The following POLA1 variants were observed in gnomAD, a reference collection of about 807,000 sequenced individuals.
POLA1 encodes DNA polymerase alpha 1, catalytic subunit.
In POLA1, 15 loss-of-function variants were observed where a neutral mutation model predicts 124.0. The ratio of observed to expected loss-of-function variants is 0.12; its 90% confidence interval spans 0.08 to 0.19. The LOEUF (loss-of-function observed/expected upper bound fraction) is 0.19, where lower values mean the gene tolerates loss of function less well. Among genes scored for constraint, POLA1 ranks in the 10% least tolerant of loss-of-function variants. POLA1 has a pLI of 1.00. For missense variants in POLA1, 886 were observed against 1,103.4 expected (o/e 0.80, Z 2.79); for synonymous variants, 408 against 389.4 (o/e 1.05, Z -0.56).
intron 35 of POLA1, among the ~76,000 whole-genome samples, chrX:24,922,235 C>T (rs1362851066): frequency 1.2e-5 from 1 of 82,719 alleles, no homozygotes; most frequent in East Asian, 3.8e-4. Context: ...CTATCATACC[C>T]AACTAGTTTA....
intron 1 of POLA1, among the ~76,000 whole-genome samples, chrX:24,695,451 T>A (rs183723797): frequency 9.0e-6 from 1 of 110,959 alleles, no homozygotes; most frequent in Admixed American, 9.6e-5. Flanking sequence ...TAGCTGTTAC[T>A]ATATATGAAA....
intron 26 of POLA1, among the ~76,000 whole-genome samples, chrX:24,756,678 TTG>T (rs1932625814): frequency 9.0e-6 from 1 of 111,569 alleles, no homozygotes; most frequent in Non-Finnish European, 1.9e-5. Context: ...ATGTAATATT[TTG>T]TGTGTCTGTG....
intron 28 of POLA1, among the ~76,000 whole-genome samples, chrX:24,811,013 G>A (rs1244845840): frequency 9.0e-6 from 1 of 111,407 alleles, no homozygotes; most frequent in East Asian, 2.8e-4. Context: ...GCAGTGGTGC[G>A]ATCAGGGCTT....
chrX:24,814,968 T>TTTTTTTTA lies in POLA1; in HGVS notation c.3297-5_3297-4insTATTTTTT. The TTTTTTTTA allele has an allele frequency of 9.2e-7, 1 of 1,086,088 alleles. No individual in the cohort carries two copies. The highest frequency in any genetic ancestry group is 2.8e-5 in the South Asian group (1 of 35,928). 89.5% of individuals were successfully genotyped at this position (1,086,088 alleles called of 1,213,427 possible). A position where few individuals can be genotyped will look rare whatever the true frequency, so the allele number is the denominator to read the frequency against. On this transcript the variant is annotated splice_polypyrimidine_tract_variant and intron_variant, in intron 29 of 36. Transcript: ENST00000379068. ...GCTGTCTTTGTTTTGTTTTTTTTTT[T>TTTTTTTTA]TTTTTTGCAGCTTTGTGATTGGCCA...
chrX:24,790,401 A>G (rs948342213), intron 26 of POLA1, among the ~76,000 whole-genome samples: 3 of 111,916 alleles, frequency 2.7e-5, no homozygotes, highest in Non-Finnish European at 3.8e-5. Context: ...TTCATTTACT[A>G]TCCCTTAAGG....
At chrX:24,889,511 T>G (rs1215915191) in intron 35 of POLA1, among the ~76,000 whole-genome samples, 3 of 112,436 alleles carry the variant, frequency 2.7e-5, no homozygotes, top group Non-Finnish European at 5.6e-5. Context: ...GTGCCTCACT[T>G]TCCAAATTCG....
chrX:24,872,681 C>T lies in POLA1; in HGVS notation c.4048-15325C>T, dbSNP rs978217686. ...ACTATAGAAAGCCCATAAATAGACC[C>T]AAAGTTGCATTTTGTTTTTTAAAAG... On this transcript the variant is annotated intron_variant, in intron 34 of 36. Coordinates refer to ENST00000379068, the MANE Select transcript of POLA1 (RefSeq NM_001330360.2). Among the ~76,000 whole-genome samples, 4 of 111,371 alleles carry T rather than the reference C, an allele frequency of 3.6e-5. No individual in the cohort carries two copies. The East Asian group carries it at 1.1e-3, about 31-fold the overall frequency.
rs1405418182 is a variant in POLA1 at position 24,858,464 on chromosome X, AG to A, written c.4047+14788del. ...CTCGACCTTGACTGTGACTCACCAT[AG>A]TCTCTTTTGGACTAGCTTCAGCTTT... On this transcript the variant is annotated intron_variant, in intron 34 of 36. Transcript: ENST00000379068. 4.5e-5 allele frequency among the ~76,000 whole-genome samples: 5 copies of A among 111,954 alleles called. No homozygotes were observed. The East Asian group carries it at 8.4e-4, about 19-fold the overall frequency.
intron 36 of POLA1, among the ~76,000 whole-genome samples, chrX:24,960,653 C>T (rs1312987525): frequency 8.9e-6 from 1 of 111,914 alleles, no homozygotes; most frequent in African/African-American, 3.2e-5. Context: ...GATACAATGA[C>T]CCTCCAGAAA....
chrX:24,801,255 G>A (rs1413094694), intron 26 of POLA1, among the ~76,000 whole-genome samples: 1 of 112,097 alleles, frequency 8.9e-6, no homozygotes, highest in African/African-American at 3.2e-5. Context: ...ATTTAAATGT[G>A]TACTGTGTGT....
chrX:24,736,425 A>G (rs1211346804), intron 18 of POLA1, among the ~76,000 whole-genome samples: 1 of 111,738 alleles, frequency 8.9e-6, no homozygotes, highest in Admixed American at 9.5e-5. Flanking sequence ...GCCCTCAGTC[A>G]GCCTCCAATA....
At chrX:24,744,141 G>T (rs1049094242) in intron 23 of POLA1, among the ~76,000 whole-genome samples, 2 of 112,703 alleles carry the variant, frequency 1.8e-5, no homozygotes, top group Admixed American at 1.9e-4. Context: ...TCACATTGCT[G>T]TGAAGGAATT....
intron 24 of POLA1, among the ~76,000 whole-genome samples, chrX:24,746,433 C>T (rs1932005812): frequency 1.8e-5 from 2 of 111,961 alleles, no homozygotes; most frequent in Admixed American, 9.5e-5. Context: ...CACCATTTTG[C>T]TTATTGGAGC....
intron 32 of POLA1, among the ~76,000 whole-genome samples, chrX:24,840,622 C>CA (rs760898319): frequency 4.4e-4 from 49 of 112,318 alleles, no homozygotes; most frequent in African/African-American, 1.5e-3. Flanking sequence ...AAATTTTAAA[C>CA]AATTTTTAGA....
intron 35 of POLA1, among the ~76,000 whole-genome samples, chrX:24,910,969 C>T (rs2047440786): frequency 8.9e-6 from 1 of 111,768 alleles, no homozygotes. Context: ...CAAGATAGAC[C>T]ATATTCTGGG....
intron 35 of POLA1, among the ~76,000 whole-genome samples, chrX:24,907,266 C>A (rs1191489966): frequency 9.1e-6 from 1 of 110,291 alleles, no homozygotes; most frequent in Non-Finnish European, 1.9e-5. Flanking sequence ...GCCTTGGGGA[C>A]CTGCGGAACA....
intron 34 of POLA1, among the ~76,000 whole-genome samples, chrX:24,887,516 C>T (rs970249580): frequency 3.6e-5 from 4 of 112,165 alleles, no homozygotes; most frequent in Non-Finnish European, 7.5e-5. Flanking sequence ...TAAATGTGTT[C>T]CATCATTGCA....
intron 15 of POLA1, among the ~76,000 whole-genome samples, chrX:24,729,420 A>G (rs903888366): frequency 1.8e-5 from 2 of 112,177 alleles, no homozygotes; most frequent in East Asian, 5.6e-4. Context: ...GGCTTCATTT[A>G]TTAGTCATTT....
chrX:24,942,722 G>A (rs1339537835), intron 36 of POLA1, among the ~76,000 whole-genome samples: 1 of 111,880 alleles, frequency 8.9e-6, no homozygotes, highest in Non-Finnish European at 1.9e-5. Flanking sequence ...ATAGGGTCTC[G>A]CTCTGTCACC....
Sources: gnomAD v4.1 joint callset for allele counts (sites outside exome capture counted in the v4.1 genomes callset) on GRCh38, gnomAD v4.1.1 for gene constraint, MANE v1.5 for transcripts, NCBI Gene and HGNC (gene_info 2026-07-23, HGNC 2026-07-21) for gene names.